Variants in SLC16A9 observed in about 807,000 individuals in gnomAD.
The protein encoded by SLC16A9 is solute carrier family 16 member 9.
In SLC16A9, 26 loss-of-function variants were observed where a neutral mutation model predicts 44.3. The observed-to-expected ratio is 0.59, with a 90% confidence interval of 0.43 to 0.81. SLC16A9 has a LOEUF of 0.81. Among genes scored for constraint, SLC16A9 ranks in the 40% least tolerant of loss-of-function variants. The pLI, the probability that SLC16A9 is intolerant of heterozygous loss-of-function variation, is 0.00. For synonymous variants in SLC16A9, 230 were observed against 225.1 expected (o/e 1.02, Z -0.19); for missense variants, 559 against 595.8 (o/e 0.94, Z 0.64).
chr10:59,654,168 C>T lies in SLC16A9; in HGVS notation c.858G>A (p.Lys286=), dbSNP rs746405930. ...TYFCKQLAKR[K]WQLYKNYCGE... is the part of the protein sequence containing the mutation. ...CACAGTAGTTTTTATATAACTGCCA[C>T]TTCCTCTTGGCAAGCTGTTTGCAAA... The change falls in exon 5 of 6, where the codon AAG becomes AAA. Residue 286 remains lysine (K), a synonymous_variant. Coordinates refer to ENST00000395348, the MANE Select transcript of SLC16A9 (RefSeq NM_194298.3). The T allele has an allele frequency of 1.2e-6, 2 of 1,613,970 alleles. No homozygotes were observed. Among genetic ancestry groups the T allele is most frequent in the African/African-American group, 1.3e-5 (1 of 74,904 alleles).
intron 4 of SLC16A9, among the ~76,000 whole-genome samples, chr10:59,660,953 C>T (rs577106150): frequency 6.6e-6 from 1 of 152,212 alleles, no homozygotes; most frequent in African/African-American, 2.4e-5. Flanking sequence ...AAATTCAACA[C>T]CCCTTCATGC....
intron 2 of SLC16A9, among the ~76,000 whole-genome samples, chr10:59,678,528 T>TTTTTTTC (rs1240905723): frequency 2.2e-5 from 1 of 45,832 alleles, no homozygotes; most frequent in Non-Finnish European, 5.3e-5. Flanking sequence ...CCAATCTTTT[T>TTTTTTTC]TTTTTCTTTT....
At chr10:59,690,834 AG>A (rs1433272253) in intron 1 of SLC16A9, among the ~76,000 whole-genome samples, 1 of 151,874 alleles carries the variant, frequency 6.6e-6, no homozygotes, top group Non-Finnish European at 1.5e-5. Flanking sequence ...CTATAATCTC[AG>A]CACTCTGGGA....
In SLC16A9 at chr10:59,654,317, T is replaced by G; in HGVS notation, c.709A>C (p.Lys237Gln). Residue 237 changes from lysine (K) to glutamine (Q), a missense_variant, in exon 5 of 6, where the codon AAA (lysine) becomes CAA (glutamine). Coordinates refer to ENST00000395348, the MANE Select transcript of SLC16A9 (RefSeq NM_194298.3). ...ILDKSYSSEE[K>Q]CRITLANGDW... ...CCATTGGCTAACGTGATCCTGCATTTTTCCTCACTACTGTAGCTCTTGTCA... is the reference window on the plus strand; with the variant it reads ...CCATTGGCTAACGTGATCCTGCATTGTTCCTCACTACTGTAGCTCTTGTCA... The G allele has an allele frequency of 6.2e-7, 1 of 1,614,200 alleles. No individual in the cohort carries two copies. Among genetic ancestry groups the G allele is most frequent in the Non-Finnish European group, 8.5e-7 (1 of 1,180,032 alleles).
intron 1 of SLC16A9, among the ~76,000 whole-genome samples, chr10:59,700,195 TTTCTTTCC>T (rs922589186): frequency 1.3e-5 from 2 of 152,218 alleles, no homozygotes; most frequent in Non-Finnish European, 1.5e-5. Context: ...TTTTGTTTCC[TTTCTTTCC>T]TTCTTTCCTT....
chr10:59,696,074 C>T (rs1054954376), intron 1 of SLC16A9, among the ~76,000 whole-genome samples: 3 of 151,862 alleles, frequency 2.0e-5, no homozygotes, highest in Non-Finnish European at 4.4e-5. Context: ...GCCCTCTCCC[C>T]TCTCCCCTCT....
chr10:59,666,463 C>T (rs1839621093), intron 3 of SLC16A9, among the ~76,000 whole-genome samples: 1 of 152,056 alleles, frequency 6.6e-6, no homozygotes, highest in Non-Finnish European at 1.5e-5. Context: ...TATAATAATA[C>T]TAAGATGTTC....
chr10:59,667,862 A>G (rs1445208748), intron 3 of SLC16A9, among the ~76,000 whole-genome samples: 1 of 152,216 alleles, frequency 6.6e-6, no homozygotes, highest in Non-Finnish European at 1.5e-5. Context: ...CCCTTTCTTT[A>G]AATGGTAAAA....
chr10:59,670,380 T>A (rs546871149), intron 3 of SLC16A9, among the ~76,000 whole-genome samples: 1 of 152,348 alleles, frequency 6.6e-6, no homozygotes, highest in East Asian at 1.9e-4. Context: ...CATTGCACTA[T>A]GTCACCCATC....
At chr10:59,683,827 A>G (rs1840073541) in intron 2 of SLC16A9, among the ~76,000 whole-genome samples, 1 of 152,178 alleles carries the variant, frequency 6.6e-6, no homozygotes, top group African/African-American at 2.4e-5. Context: ...TTATCTTTTC[A>G]TTTCCAGCAT....
chr10:59,677,806 T>C lies in SLC16A9; in HGVS notation c.197-4893A>G, dbSNP rs1747770810. On this transcript the variant is annotated intron_variant, in intron 2 of 5. Coordinates refer to ENST00000395348, the MANE Select transcript of SLC16A9 (RefSeq NM_194298.3). Reference sequence around the variant, plus strand: ...ATTTATTATAGGATAGTTTTGGGAATGAAATTATTCCCTTTAGGAAATAAA... The same window carrying C: ...ATTTATTATAGGATAGTTTTGGGAACGAAATTATTCCCTTTAGGAAATAAA... Among the ~76,000 whole-genome samples, 4 of 152,286 alleles carry C rather than the reference T, an allele frequency of 2.6e-5. No individual in the cohort carries two copies. In the South Asian group the frequency reaches 8.3e-4, roughly 32 times the overall value.
intron 2 of SLC16A9, among the ~76,000 whole-genome samples, chr10:59,682,706 T>C (rs1180481415): frequency 6.6e-6 from 1 of 152,144 alleles, no homozygotes; most frequent in Non-Finnish European, 1.5e-5. Context: ...AATTATTTCC[T>C]CCCCACTACA....
At chr10:59,672,016 C>T (rs1035750829) in intron 3 of SLC16A9, among the ~76,000 whole-genome samples, 7 of 152,084 alleles carry the variant, frequency 4.6e-5, no homozygotes, top group African/African-American at 1.7e-4. Context: ...TATTGGTAGT[C>T]AATAAAATTA....
intron 5 of SLC16A9, among the ~76,000 whole-genome samples, chr10:59,653,425 C>CAAAGAAA (rs1839259700): frequency 2.7e-5 from 1 of 36,764 alleles, no homozygotes; most frequent in African/African-American, 5.9e-5. Context: ...AACTCCGTCT[C>CAAAGAAA]AAAAAAAAAA....
rs1412385177 is a variant in SLC16A9 at position 59,652,247 on chromosome 10, C to T, written c.*525G>A. 6.6e-6 allele frequency: 1 copy of T among 152,206 alleles called. No individual in the cohort carries two copies. Among genetic ancestry groups the T allele is most frequent in the African/African-American group, 2.4e-5 (1 of 41,436 alleles). 9.4% of individuals were successfully genotyped at this position (152,206 alleles called of 1,614,324 possible). A position where few individuals can be genotyped will look rare whatever the true frequency, so the allele number is the denominator to read the frequency against. On this transcript the variant is annotated 3_prime_UTR_variant, in exon 6 of 6. Transcript: ENST00000395348. ...AAAAAATGACCAATTTGCTCCACTG[C>T]AATTCTTAAGGCTGTTTTAGTCGCC...
chr10:59,705,990 T>C (rs1448975747), intron 1 of SLC16A9, among the ~76,000 whole-genome samples: 1 of 152,206 alleles, frequency 6.6e-6, no homozygotes, highest in East Asian at 1.9e-4. Flanking sequence ...TTGCTTCCTA[T>C]AAACACACTA....
chr10:59,682,758 A>G (rs1655131367), intron 2 of SLC16A9, among the ~76,000 whole-genome samples: 1 of 152,188 alleles, frequency 6.6e-6, no homozygotes, highest in Non-Finnish European at 1.5e-5. Context: ...CACATTATTA[A>G]CATATCAGTT....
chr10:59,668,396 A>G (rs1233903730), intron 3 of SLC16A9, among the ~76,000 whole-genome samples: 1 of 152,140 alleles, frequency 6.6e-6, no homozygotes, highest in Non-Finnish European at 1.5e-5. Context: ...AACCGTATCC[A>G]CTTGAACCAC....
At chr10:59,669,908 T>C (rs1381034181) in intron 3 of SLC16A9, among the ~76,000 whole-genome samples, 1 of 152,176 alleles carries the variant, frequency 6.6e-6, no homozygotes, top group African/African-American at 2.4e-5. Context: ...ATCTGACAAG[T>C]TGGTACAGGT....
Sources: allele counts gnomAD v4.1 joint callset (sites outside exome capture counted in the v4.1 genomes callset), GRCh38; gene constraint gnomAD v4.1.1; transcripts MANE v1.5; gene names NCBI Gene and HGNC (gene_info 2026-07-23, HGNC 2026-07-21).